EXOC4: variants seen among roughly 807,000 people sequenced by gnomAD.
EXOC4 encodes the protein SEC8-like 1.
EXOC4 carries 71 observed loss-of-function variants against 107.2 expected under a neutral mutation model. The ratio of observed to expected loss-of-function variants is 0.66; its 90% confidence interval spans 0.55 to 0.81. The LOEUF (loss-of-function observed/expected upper bound fraction) is 0.81, where lower values mean the gene tolerates loss of function less well. Ranked by LOEUF, EXOC4 falls within the 30% of genes least tolerant of loss-of-function variation. The pLI is 0.00. For synonymous variants in EXOC4, 456 were observed against 441.2 expected (o/e 1.03, Z -0.42); for missense variants, 1,108 against 1,189.6 (o/e 0.93, Z 1.01).
intron 5 of EXOC4, among the ~76,000 whole-genome samples, chr7:133,338,322 G>A (rs146128359): frequency 0.031 from 4,750 of 151,242 alleles, 242 homozygotes; most frequent in African/African-American, 0.11. Flanking sequence ...AGCCGGGCGC[G>A]GTGGCTCACG....
chr7:133,303,328 G>A (rs1323351967), intron 3 of EXOC4, among the ~76,000 whole-genome samples: 1 of 152,162 alleles, frequency 6.6e-6, no homozygotes, highest in Non-Finnish European at 1.5e-5. Context: ...CAGCTCCTCG[G>A]GAGGCTGAGG....
At chr7:133,833,974 A>G (rs1797865343) in intron 11 of EXOC4, among the ~76,000 whole-genome samples, 1 of 152,090 alleles carries the variant, frequency 6.6e-6, no homozygotes, top group Non-Finnish European at 1.5e-5. Context: ...AAGTATGTTT[A>G]CCGCCTAGCA....
chr7:133,362,575 T>C (rs891248420), intron 6 of EXOC4, among the ~76,000 whole-genome samples: 1 of 152,210 alleles, frequency 6.6e-6, no homozygotes, highest in African/African-American at 2.4e-5. Flanking sequence ...TGGAAAAATA[T>C]ACTTTTGAAA....
intron 11 of EXOC4, among the ~76,000 whole-genome samples, chr7:133,880,963 G>C (rs1798953609): frequency 6.6e-6 from 1 of 152,060 alleles, no homozygotes; most frequent in Non-Finnish European, 1.5e-5. Flanking sequence ...AAGCCTGTTT[G>C]TAAATTCTGC....
chr7:133,452,118 T>C (rs12538505), intron 7 of EXOC4, among the ~76,000 whole-genome samples: 75,316 of 151,788 alleles, frequency 0.5, 19,082 homozygotes, highest in East Asian at 0.6. Flanking sequence ...CCTGATGCAC[T>C]GTGAATTGCT....
chr7:133,737,348 C>G (rs1356503175), intron 10 of EXOC4, among the ~76,000 whole-genome samples: 1 of 151,966 alleles, frequency 6.6e-6, no homozygotes, highest in East Asian at 1.9e-4. Flanking sequence ...TGCAGAGACT[C>G]TATGCTGCAG....
intron 10 of EXOC4, among the ~76,000 whole-genome samples, chr7:133,780,590 A>C (rs928323277): frequency 6.6e-6 from 1 of 152,164 alleles, no homozygotes; most frequent in Non-Finnish European, 1.5e-5. Flanking sequence ...TGTTTGTACA[A>C]ATGATTCCTG....
At chr7:133,641,115 C>G (rs1288724909) in intron 10 of EXOC4, among the ~76,000 whole-genome samples, 1 of 152,078 alleles carries the variant, frequency 6.6e-6, no homozygotes, top group Non-Finnish European at 1.5e-5. Context: ...TAGCCAAGAA[C>G]CAGATGCAGA....
intron 7 of EXOC4, among the ~76,000 whole-genome samples, chr7:133,375,853 T>G (rs1796478613): frequency 6.6e-6 from 1 of 152,304 alleles, no homozygotes; most frequent in East Asian, 1.9e-4. Context: ...GAAATTGTAT[T>G]ATACTTTTTC....
At chr7:133,873,709 T>C (rs144438605) in intron 11 of EXOC4, among the ~76,000 whole-genome samples, 2 of 152,354 alleles carry the variant, frequency 1.3e-5, no homozygotes, top group African/African-American at 4.8e-5. Flanking sequence ...GTCCATATTT[T>C]TTTCCTGGTT....
At chr7:133,423,869 A>AG (rs1367945297) in intron 7 of EXOC4, among the ~76,000 whole-genome samples, 2 of 152,116 alleles carry the variant, frequency 1.3e-5, no homozygotes, top group Non-Finnish European at 2.9e-5. Context: ...TGGACTTGAT[A>AG]GGGGGACGAG....
intron 7 of EXOC4, among the ~76,000 whole-genome samples, chr7:133,454,440 T>A (rs1798418017): frequency 6.6e-6 from 1 of 152,022 alleles, no homozygotes; most frequent in Non-Finnish European, 1.5e-5. Context: ...GGGATTACAG[T>A]TGTGCGCCAC....
At chr7:133,702,007 T>G in intron 10 of EXOC4, among the ~76,000 whole-genome samples, 1 of 141,130 alleles carries the variant, frequency 7.1e-6, no homozygotes, top group Non-Finnish European at 1.5e-5. Flanking sequence ...CTTTTTTTTT[T>G]TTTTTTTTTT....
intron 5 of EXOC4, among the ~76,000 whole-genome samples, chr7:133,337,343 T>A (rs1795540908): frequency 6.6e-6 from 1 of 152,154 alleles, no homozygotes; most frequent in Admixed American, 6.5e-5. Flanking sequence ...ATTGGGACTA[T>A]TTGGAGTCTG....
intron 14 of EXOC4, among the ~76,000 whole-genome samples, chr7:133,996,036 T>C (rs533958939): frequency 6.6e-6 from 1 of 152,306 alleles, no homozygotes. Context: ...AAGCAAAACA[T>C]ATCAGAAATT....
intron 9 of EXOC4, among the ~76,000 whole-genome samples, chr7:133,539,936 G>A (rs934320162): frequency 5.9e-5 from 9 of 152,066 alleles, no homozygotes; most frequent in South Asian, 2.1e-4. Flanking sequence ...CACATGTGCT[G>A]TAGAGGTAAT....
At chr7:134,059,825 A>C (rs1275261416) in intron 17 of EXOC4, among the ~76,000 whole-genome samples, 1 of 152,140 alleles carries the variant, frequency 6.6e-6, no homozygotes, top group Non-Finnish European at 1.5e-5. Flanking sequence ...ATTATGAGAA[A>C]TCTTTCTGTA....
intron 10 of EXOC4, among the ~76,000 whole-genome samples, chr7:133,643,411 C>A (rs888794174): frequency 1.3e-5 from 2 of 152,276 alleles, no homozygotes; most frequent in Admixed American, 6.5e-5. Flanking sequence ...CTGCCTTTCC[C>A]AGCCCACTGA....
chr7:133,749,565 T>C (rs1274627369), intron 10 of EXOC4, among the ~76,000 whole-genome samples: 1 of 152,124 alleles, frequency 6.6e-6, no homozygotes, highest in Non-Finnish European at 1.5e-5. Flanking sequence ...GATAATTTTT[T>C]GTATTTTTAA....
Sources: gnomAD v4.1 joint callset for allele counts (sites outside exome capture counted in the v4.1 genomes callset) on GRCh38, gnomAD v4.1.1 for gene constraint, MANE v1.5 for transcripts, NCBI Gene and HGNC (gene_info 2026-07-23, HGNC 2026-07-21) for gene names.